Variants in EYS observed in about 807,000 individuals in gnomAD.
EYS encodes protein eyes shut homolog.
In EYS, 250 loss-of-function variants were observed where a neutral mutation model predicts 282.1. The ratio of observed to expected loss-of-function variants is 0.89; its 90% CI spans 0.80 to 0.98. The LOEUF (loss-of-function observed/expected upper bound fraction) is 0.98. EYS is among the 50% of genes least tolerant of loss of function. The probability of loss-of-function intolerance (pLI) is 0.00; values close to 1 mark genes in which losing one functional copy is unlikely to be tolerated. For missense variants in EYS, 4,016 were observed against 3,709.0 expected (o/e 1.08, Z -2.15); for synonymous variants, 1,355 against 1,282.9 (o/e 1.06, Z -1.20).
At chr6:63,816,358 A>T (rs1279870867) in intron 36 of EYS, among the ~76,000 whole-genome samples, 2 of 152,212 alleles carry the variant, frequency 1.3e-5, no homozygotes, top group Non-Finnish European at 2.9e-5. Flanking sequence ...TAATGAAATA[A>T]AGTATTTTAT....
At position 65,295,932 on chromosome 6, in the gene EYS, A is replaced by G. The variant is rs1768649466; in HGVS notation, c.1954T>C (p.Cys652Arg). 1 of 1,550,754 alleles carries G rather than the reference A, an allele frequency of 6.4e-7. No individual in the cohort carries two copies. The highest frequency in any genetic ancestry group is 1.2e-5 in the South Asian group (1 of 84,046). The change falls in exon 12 of 43, where the codon TGC becomes CGC. Residue 652 changes from cysteine to arginine, a missense_variant. Physicochemically the swap from Cys to Arg is radical, Grantham distance 180. Transcript: ENST00000503581. ...IDTEDCKSAS[C>R]KNGTTSTHLR... ...TGTGTACTAGTTGTTCCATTTTTGC[A>G]GGACGCAGATTTGCAGTCTTCAGTA...
chr6:65,586,652 T>A (rs1295400825), intron 2 of EYS, among the ~76,000 whole-genome samples: 1 of 152,048 alleles, frequency 6.6e-6, no homozygotes, highest in Non-Finnish European at 1.5e-5. Context: ...CACCACAGAA[T>A]AAGAATTGCA....
intron 29 of EYS, among the ~76,000 whole-genome samples, chr6:64,333,108 T>G (rs1770704268): frequency 6.6e-6 from 1 of 152,142 alleles, no homozygotes; most frequent in Non-Finnish European, 1.5e-5. Context: ...CAGGAACTTG[T>G]GTCTATAACC....
At chr6:65,052,511 C>T (rs1188484844) in intron 13 of EYS, among the ~76,000 whole-genome samples, 1 of 151,472 alleles carries the variant, frequency 6.6e-6, no homozygotes, top group Non-Finnish European at 1.5e-5. Context: ...GACAACAGTG[C>T]TTATTAGGAA....
At chr6:63,975,480 T>C (rs923144109) in intron 35 of EYS, among the ~76,000 whole-genome samples, 3 of 152,068 alleles carry the variant, frequency 2.0e-5, no homozygotes, top group South Asian at 2.1e-4. Flanking sequence ...CAGAATGTTT[T>C]GTTGTGATGC....
intron 35 of EYS, among the ~76,000 whole-genome samples, chr6:63,908,009 A>AC (rs1491063403): frequency 3.9e-4 from 7 of 17,808 alleles, no homozygotes; most frequent in African/African-American, 1.3e-3. Context: ...CACACACACA[A>AC]ACGTATATAT....
intron 35 of EYS, among the ~76,000 whole-genome samples, chr6:63,953,662 T>C (rs1422757452): frequency 1.3e-5 from 2 of 152,146 alleles, no homozygotes; most frequent in Non-Finnish European, 2.9e-5. Flanking sequence ...AAAGAAAACC[T>C]AGCTGACCCC....
chr6:65,392,772 C>T (rs1421821999), intron 7 of EYS, among the ~76,000 whole-genome samples: 1 of 151,032 alleles, frequency 6.6e-6, no homozygotes, highest in South Asian at 2.1e-4. Flanking sequence ...GGCGATTCCT[C>T]AGGGATCTGG....
In EYS at chr6:65,490,613, T is replaced by G; in HGVS notation, c.843A>C (p.Glu281Asp). The change falls in exon 5 of 43, where the codon GAA becomes GAC. Residue 281 changes from glutamate to aspartate, a missense_variant. Physicochemically the swap from Glu to Asp is conservative, Grantham distance 45 (BLOSUM62 2). Transcript: ENST00000503581. ...TTTTACCTGAAAATTGCTCATCACA[T>G]TCACAAATGAAACTATTTGAAGTAA... ...SNITSNSFIC[E>D]CDEQFSGPFC... The G allele has an allele frequency of 3.1e-6, 5 of 1,609,360 alleles. No homozygotes were observed. Among genetic ancestry groups the G allele is most frequent in the Non-Finnish European group, 4.3e-6 (5 of 1,176,094 alleles).
chr6:65,649,428 A>T (rs1185060334), intron 1 of EYS, among the ~76,000 whole-genome samples: 1 of 152,124 alleles, frequency 6.6e-6, no homozygotes, highest in Non-Finnish European at 1.5e-5. Context: ...CTGAAACTAA[A>T]AGAAGCTGAT....
chr6:64,978,712 G>T (rs1770555501), intron 14 of EYS, among the ~76,000 whole-genome samples: 1 of 151,896 alleles, frequency 6.6e-6, no homozygotes, highest in Non-Finnish European at 1.5e-5. Flanking sequence ...TATGGACAGA[G>T]GTCAAAATAT....
At chr6:64,107,538 A>G (rs1773070656) in intron 31 of EYS, among the ~76,000 whole-genome samples, 1 of 151,668 alleles carries the variant, frequency 6.6e-6, no homozygotes, top group South Asian at 2.1e-4. Flanking sequence ...CTGGCAGCTG[A>G]TTAGATTGTG....
At chr6:63,909,770 A>AC (rs1223777331) in intron 35 of EYS, among the ~76,000 whole-genome samples, 1 of 152,148 alleles carries the variant, frequency 6.6e-6, no homozygotes, top group Non-Finnish European at 1.5e-5. Flanking sequence ...TGTCTGAGCC[A>AC]CCCCCAGAAA....
At chr6:64,750,544 A>G (rs934151351) in intron 22 of EYS, among the ~76,000 whole-genome samples, 2 of 152,140 alleles carry the variant, frequency 1.3e-5, no homozygotes, top group African/African-American at 4.8e-5. Context: ...GATAAGAGCT[A>G]AGGTTATACA....
At chr6:63,826,758 A>G (rs1218426621) in intron 36 of EYS, among the ~76,000 whole-genome samples, 3 of 151,458 alleles carry the variant, frequency 2.0e-5, no homozygotes, top group African/African-American at 4.9e-5. Context: ...AAATCTTGGG[A>G]AAAAAATCCT....
intron 12 of EYS, among the ~76,000 whole-genome samples, chr6:65,188,017 CT>C (rs1157431777): frequency 6.6e-6 from 1 of 151,572 alleles, no homozygotes; most frequent in African/African-American, 2.4e-5. Flanking sequence ...TTACATTAAA[CT>C]TTCATGTAAA....
At chr6:64,520,719 G>T (rs569890965) in intron 26 of EYS, among the ~76,000 whole-genome samples, 55 of 151,750 alleles carry the variant, frequency 3.6e-4, no homozygotes, top group African/African-American at 1.2e-3. Context: ...TTTTTTCCCT[G>T]AAATTTTTAC....
At chr6:64,581,402 A>G (rs1336642421) in intron 26 of EYS, among the ~76,000 whole-genome samples, 2 of 152,142 alleles carry the variant, frequency 1.3e-5, no homozygotes, top group African/African-American at 4.8e-5. Flanking sequence ...AAAAAAGTAG[A>G]GAAAATGTAC....
At chr6:64,704,501 C>A in intron 22 of EYS, among the ~76,000 whole-genome samples, 1 of 11,984 alleles carries the variant, frequency 8.3e-5, no homozygotes, top group East Asian at 8.6e-4. Context: ...TAATATAATA[C>A]TTATAATAAT....
Sources: gnomAD v4.1 joint callset for allele counts (sites outside exome capture counted in the v4.1 genomes callset) on GRCh38, gnomAD v4.1.1 for gene constraint, MANE v1.5 for transcripts, NCBI Gene and HGNC (gene_info 2026-07-23, HGNC 2026-07-21) for gene names.